The following DPP6 variants were observed in gnomAD, a reference collection of about 807,000 sequenced individuals.
DPP6 encodes dipeptidyl peptidase like 6.
DPP6 carries 69 observed loss-of-function variants against 122.6 expected under a neutral mutation model. That is an observed-to-expected ratio of 0.56 (90% confidence interval 0.46 to 0.69). The LOEUF is 0.69. Among genes scored for constraint, DPP6 ranks in the 30% least tolerant of loss-of-function variants. The pLI is 0.00. For missense variants in DPP6, 928 were observed against 1,116.9 expected (o/e 0.83, Z 2.41); for synonymous variants, 418 against 433.1 (o/e 0.97, Z 0.43).
At chr7:154,033,022 T>TG (rs1799336873) in intron 1 of DPP6, among the ~76,000 whole-genome samples, 4 of 152,156 alleles carry the variant, frequency 2.6e-5, no homozygotes, top group South Asian at 4.2e-4. Context: ...CACCTGTAGC[T>TG]CTGGGGCCTT....
intron 4 of DPP6, among the ~76,000 whole-genome samples, chr7:154,566,117 A>C (rs1830730370): frequency 6.6e-6 from 1 of 152,250 alleles, no homozygotes; most frequent in Admixed American, 6.5e-5. Flanking sequence ...GAAAAAGAGC[A>C]AGTTGCAAAA....
chr7:154,402,657 G>A (rs1161541529), intron 1 of DPP6, among the ~76,000 whole-genome samples: 1 of 149,064 alleles, frequency 6.7e-6, no homozygotes, highest in Non-Finnish European at 1.5e-5. Context: ...TAGATGACGA[G>A]TTAGTGGGTG....
chr7:154,441,600 G>A (rs1403148840), intron 1 of DPP6, among the ~76,000 whole-genome samples: 1 of 152,152 alleles, frequency 6.6e-6, no homozygotes, highest in Admixed American at 6.5e-5. Flanking sequence ...GAGATACGAA[G>A]CTCAGGCCAA....
chr7:154,152,508 G>A (rs981287713), intron 1 of DPP6, among the ~76,000 whole-genome samples: 5 of 152,172 alleles, frequency 3.3e-5, no homozygotes, highest in Non-Finnish European at 7.3e-5. Flanking sequence ...AGACTGAGAT[G>A]CCTCTTGTAT....
intron 7 of DPP6, among the ~76,000 whole-genome samples, chr7:154,700,373 G>A (rs1006802475): frequency 4.6e-5 from 7 of 152,248 alleles, no homozygotes; most frequent in Non-Finnish European, 7.3e-5. Context: ...AGGAGTTTCT[G>A]GAGAGTGCTA....
intron 17 of DPP6, among the ~76,000 whole-genome samples, chr7:154,865,139 C>A (rs3778737): frequency 4.6e-5 from 7 of 152,024 alleles, no homozygotes; most frequent in Admixed American, 1.3e-4. Context: ...GCAGACCCCC[C>A]CAGCTGAAGC....
the DPP6 span, among the ~76,000 whole-genome samples, chr7:153,750,016 C>A: frequency 6.6e-6 from 1 of 152,102 alleles, no homozygotes; most frequent in Non-Finnish European, 1.5e-5. Flanking sequence ...GAAAAATATT[C>A]CCATTAAAAT....
chr7:154,644,155 G>A (rs1017568599), intron 6 of DPP6, among the ~76,000 whole-genome samples: 16 of 152,164 alleles, frequency 1.1e-4, no homozygotes, highest in Admixed American at 2.6e-4. Context: ...GAGCAGAAGA[G>A]GAATGTGATG....
intron 1 of DPP6, among the ~76,000 whole-genome samples, chr7:154,294,339 TA>T (rs1487328942): frequency 6.6e-6 from 1 of 152,172 alleles, no homozygotes; most frequent in Non-Finnish European, 1.5e-5. Context: ...TAATGCCTTC[TA>T]GGGGAAGATG....
chr7:154,880,173 T>C (rs1316093715), intron 20 of DPP6, among the ~76,000 whole-genome samples: 1 of 152,214 alleles, frequency 6.6e-6, no homozygotes, highest in East Asian at 1.9e-4. Context: ...TGCTGCTGGT[T>C]GAGGTCCAGA....
At chr7:154,652,316 T>A (rs1431905087) in intron 6 of DPP6, among the ~76,000 whole-genome samples, 1 of 152,150 alleles carries the variant, frequency 6.6e-6, no homozygotes, top group African/African-American at 2.4e-5. Flanking sequence ...TTTATTACTT[T>A]TTTTCCCCTA....
At chr7:153,782,855 C>G in the DPP6 span, among the ~76,000 whole-genome samples, 1 of 152,094 alleles carries the variant, frequency 6.6e-6, no homozygotes, top group Non-Finnish European at 1.5e-5. Context: ...CAGTCAAGGT[C>G]CATAGACATG....
chr7:153,753,726 T>C, the DPP6 span, among the ~76,000 whole-genome samples: 2 of 152,210 alleles, frequency 1.3e-5, no homozygotes, highest in Non-Finnish European at 2.9e-5. Flanking sequence ...ACTTTGGCTC[T>C]GTGGATTTCA....
rs567033536 is a variant in DPP6 at position 154,157,127 on chromosome 7, T to C, written c.243+104064T>C. On this transcript the variant is annotated intron_variant, in intron 1 of 25. Coordinates refer to ENST00000377770, the MANE Select transcript of DPP6 (RefSeq NM_130797.4). ...TCACATTTTGGTTATTCTGAACATTTCTACTTGCTGTGTTGCGGAGTCACG... is the reference window on the plus strand; with the variant it reads ...TCACATTTTGGTTATTCTGAACATTCCTACTTGCTGTGTTGCGGAGTCACG... Among the ~76,000 whole-genome samples the C allele has an allele frequency of 2.6e-5, 4 of 152,396 alleles. No individual in the cohort carries two copies. In the South Asian group the frequency reaches 8.3e-4, roughly 32 times the overall value.
intron 1 of DPP6, among the ~76,000 whole-genome samples, chr7:154,089,977 A>G (rs1563188097): frequency 6.6e-6 from 1 of 152,234 alleles, no homozygotes; most frequent in East Asian, 1.9e-4. Context: ...TGAGGAATTC[A>G]AGTGAGACCA....
chr7:153,781,978 A>ACACACACC, the DPP6 span, among the ~76,000 whole-genome samples: 1 of 69,736 alleles, frequency 1.4e-5, no homozygotes, highest in African/African-American at 7.6e-5. Context: ...CCCAGAGAAT[A>ACACACACC]CACACACACA....
intron 1 of DPP6, among the ~76,000 whole-genome samples, chr7:154,266,551 C>T (rs917707145): frequency 5.9e-5 from 9 of 152,142 alleles, no homozygotes; most frequent in African/African-American, 2.2e-4. Flanking sequence ...TGCACTCCAG[C>T]CTGGGTGACA....
chr7:154,297,097 G>C (rs1264783609), intron 1 of DPP6, among the ~76,000 whole-genome samples: 3 of 149,304 alleles, frequency 2.0e-5, no homozygotes, highest in African/African-American at 7.3e-5. Flanking sequence ...TCTATTTGGA[G>C]GGTGAGGGAT....
At chr7:153,926,191 C>G (rs1371577258) in intron 1 of DPP6, among the ~76,000 whole-genome samples, 1 of 152,236 alleles carries the variant, frequency 6.6e-6, no homozygotes, top group African/African-American at 2.4e-5. Context: ...CATCTGTTAC[C>G]TGTCACCGAT....
Sources: gnomAD v4.1 joint callset for allele counts (sites outside exome capture counted in the v4.1 genomes callset) on GRCh38, gnomAD v4.1.1 for gene constraint, MANE v1.5 for transcripts, NCBI Gene and HGNC (gene_info 2026-07-23, HGNC 2026-07-21) for gene names.